The following CYRIB variants were observed in gnomAD, a reference collection of about 807,000 sequenced individuals.
CYRIB encodes the protein CYFIP related Rac1 interactor B, also known as CYFIP-related Rac1 interactor B.
A neutral mutation model predicts 44.2 loss-of-function variants in CYRIB; 8 were observed. The ratio of observed to expected loss-of-function variants is 0.18; its 90% CI spans 0.11 to 0.33. CYRIB has a LOEUF of 0.33. Among genes scored for constraint, CYRIB ranks in the 10% least tolerant of loss-of-function variants. CYRIB has a pLI of 1.00. For synonymous variants in CYRIB, 131 were observed against 127.2 expected, an observed-to-expected ratio of 1.03 and a Z score of -0.20; for missense variants, 185 against 382.8, an observed-to-expected ratio of 0.48 and a Z score of 4.31.
intron 4 of CYRIB, among the ~76,000 whole-genome samples, chr8:129,866,561 GAATA>G (rs1434882742): frequency 6.6e-6 from 1 of 151,356 alleles, no homozygotes; most frequent in Non-Finnish European, 1.5e-5. Flanking sequence ...TCAACTAAAG[GAATA>G]AATGTCTATT....
At chr8:129,991,913 T>C (rs2096641747) in intron 1 of CYRIB, among the ~76,000 whole-genome samples, 1 of 118,504 alleles carries the variant, frequency 8.4e-6, no homozygotes, top group Non-Finnish European at 1.6e-5. Flanking sequence ...ATTGCGCCAC[T>C]GCACTCCAGC....
chr8:129,934,312 G>A (rs553631026), intron 1 of CYRIB, among the ~76,000 whole-genome samples: 8 of 152,012 alleles, frequency 5.3e-5, no homozygotes, highest in Non-Finnish European at 8.8e-5. Context: ...CTAACAATGC[G>A]GTAAATCAAT....
chr8:129,965,829 G>A (rs1469664005), intron 2 of CYRIB, among the ~76,000 whole-genome samples: 1 of 151,542 alleles, frequency 6.6e-6, no homozygotes, highest in Non-Finnish European at 1.5e-5. Flanking sequence ...CAATCAATTC[G>A]CTACTTTTTG....
chr8:129,966,783 C>T (rs2095494520), intron 2 of CYRIB, among the ~76,000 whole-genome samples: 1 of 152,134 alleles, frequency 6.6e-6, no homozygotes, highest in Non-Finnish European at 1.5e-5. Flanking sequence ...GGCTCACTGC[C>T]ACCTGGGTTC....
chr8:129,999,588 G>A (rs2096861200), intron 1 of CYRIB, among the ~76,000 whole-genome samples: 1 of 152,204 alleles, frequency 6.6e-6, no homozygotes, highest in Non-Finnish European at 1.5e-5. Flanking sequence ...CCCAACGATT[G>A]GCTAAGTTGG....
At chr8:129,940,311 C>T (rs114479718), upstream of CYRIB, among the ~76,000 whole-genome samples, 1,014 of 152,320 alleles carry the variant, frequency 6.7e-3, 9 homozygotes, top group African/African-American at 0.024. Flanking sequence ...AGGTACTGAG[C>T]CTCGCCCGCG....
exon 12 of CYRIB, chr8:129,840,040 G>A (rs2035603217): frequency 6.5e-6 from 1 of 153,990 alleles, no homozygotes; most frequent in African/African-American, 2.4e-5. Context: ...GGCTCTCATA[G>A]TATCAGAAAA....
At chr8:129,899,948 C>T (rs993634508) in intron 2 of CYRIB, among the ~76,000 whole-genome samples, 1 of 152,120 alleles carries the variant, frequency 6.6e-6, no homozygotes, top group Non-Finnish European at 1.5e-5. Context: ...TCACAGCCTT[C>T]CCTGGCTCTG....
chr8:129,846,998 T>C (rs1563984708), intron 10 of CYRIB, 124 bp from the exon 13 acceptor site: 1 of 565,742 alleles, frequency 1.8e-6, no homozygotes, highest in Non-Finnish European at 3.0e-6. Flanking sequence ...CTATGTCAAA[T>C]TAATTATTCT....
intron 1 of CYRIB, among the ~76,000 whole-genome samples, chr8:130,003,944 C>A (rs1222840949): frequency 6.6e-6 from 1 of 152,186 alleles, no homozygotes; most frequent in Non-Finnish European, 1.5e-5. Context: ...TTGAGACGTG[C>A]AGGAACAATG....
chr8:129,866,721 G>GCT (rs1317538999), intron 4 of CYRIB, among the ~76,000 whole-genome samples: 1 of 152,108 alleles, frequency 6.6e-6, no homozygotes, highest in Non-Finnish European at 1.5e-5. Context: ...ATATAAAAAT[G>GCT]CTCTAGCAAA....
Position 130,005,637 on chromosome 8 carries a change from C to T in CYRIB, c.-296+10733G>A, listed in dbSNP as rs572517043. ...TCCTCAGCATCTAGGGTGATGGGGT[C>T]CCCGGGTGGGTCACCTCTAGCTGGG... On this transcript the variant is annotated intron_variant, in intron 1 of 14. Transcript: ENST00000401979. 1.4e-3 allele frequency among the ~76,000 whole-genome samples: 217 copies of T among 152,194 alleles called. 1 individual carries two copies. Among genetic ancestry groups the T allele is most frequent in the Non-Finnish European group, 2.6e-3 (178 of 68,018 alleles).
chr8:129,879,446 T>C, exon 3 of CYRIB: 1 of 1,610,146 alleles, frequency 6.2e-7, no homozygotes, highest in Non-Finnish European at 8.5e-7. Flanking sequence ...GTCAAAACTT[T>C]AAGAAGATTC....
intron 10 of CYRIB, chr8:129,847,448 A>G (rs943704817): frequency 6.6e-6 from 1 of 152,320 alleles, no homozygotes; most frequent in African/African-American, 2.4e-5. Flanking sequence ...TGGGTGACAG[A>G]GCGAGACTCC....
At chr8:129,909,212 T>G (rs1428178545) in intron 1 of CYRIB, among the ~76,000 whole-genome samples, 1 of 152,200 alleles carries the variant, frequency 6.6e-6, no homozygotes, top group African/African-American at 2.4e-5. Context: ...GCAGTAACAG[T>G]TGCCTAGGTA....
intron 2 of CYRIB, chr8:129,903,073 A>G (rs1028276317): frequency 6.6e-6 from 1 of 152,590 alleles, no homozygotes; most frequent in Admixed American, 6.5e-5. Context: ...AGGAAAACAC[A>G]TACCTCTCCT....
intron 1 of CYRIB, among the ~76,000 whole-genome samples, chr8:129,909,922 C>A (rs139778416): frequency 2.0e-5 from 3 of 152,296 alleles, no homozygotes; most frequent in African/African-American, 4.8e-5. Context: ...GGCACCCTTG[C>A]CCCAAATTTC....
At chr8:129,919,637 A>G (rs1167350641) in intron 1 of CYRIB, among the ~76,000 whole-genome samples, 1 of 152,200 alleles carries the variant, frequency 6.6e-6, no homozygotes, top group Non-Finnish European at 1.5e-5. Context: ...GGTGCCTTAC[A>G]TACTTAAAAA....
intron 1 of CYRIB, among the ~76,000 whole-genome samples, chr8:129,926,189 A>C (rs2087613669): frequency 6.6e-6 from 1 of 152,234 alleles, no homozygotes; most frequent in Non-Finnish European, 1.5e-5. Context: ...GAAAAGCAGG[A>C]ATAAAATAAA....
Sources: gnomAD v4.1 joint callset for allele counts (sites outside exome capture counted in the v4.1 genomes callset) on GRCh38, gnomAD v4.1.1 for gene constraint, MANE v1.5 for transcripts, NCBI Gene and HGNC (gene_info 2026-07-23, HGNC 2026-07-21) for gene names.